SRGAP2: variants seen among roughly 807,000 people sequenced by gnomAD.
The protein encoded by SRGAP2 is SLIT-ROBO Rho GTPase-activating protein 2.
In SRGAP2, 15 loss-of-function variants were observed where a neutral mutation model predicts 57.2. That is an observed-to-expected ratio of 0.26 (90% CI 0.18 to 0.40). SRGAP2 has a LOEUF of 0.40. Ranked by LOEUF, SRGAP2 falls within the 10% of genes least tolerant of loss-of-function variation. The probability of loss-of-function intolerance (pLI) is 1.00; values close to 1 mark genes in which losing one functional copy is unlikely to be tolerated. For synonymous variants in SRGAP2, 249 were observed against 248.0 expected (o/e 1.00, Z -0.04); for missense variants, 520 against 669.6 (o/e 0.78, Z 2.47).
intron 2 of SRGAP2, among the ~76,000 whole-genome samples, chr1:206,226,651 A>G (rs1667290257): frequency 6.6e-6 from 1 of 152,036 alleles, no homozygotes; most frequent in South Asian, 2.1e-4. Flanking sequence ...CATACCCCAA[A>G]CAAATATATA....
chr1:206,353,327 A>G (rs1440020143), intron 4 of SRGAP2, among the ~76,000 whole-genome samples: 2 of 151,894 alleles, frequency 1.3e-5, no homozygotes, highest in Admixed American at 6.6e-5. Context: ...TGTTTTCTGT[A>G]TGCTTTAGTT....
chr1:206,444,051 G>A (rs933199784), intron 17 of SRGAP2, among the ~76,000 whole-genome samples: 5 of 151,992 alleles, frequency 3.3e-5, no homozygotes, highest in Admixed American at 2.6e-4. Context: ...TTAGCCAGGC[G>A]TGGTGGTGCA....
At chr1:206,414,825 A>G (rs1009751618) in intron 10 of SRGAP2, among the ~76,000 whole-genome samples, 2 of 152,226 alleles carry the variant, frequency 1.3e-5, no homozygotes, top group Non-Finnish European at 2.9e-5. Flanking sequence ...ATTTATTGTT[A>G]GAGTCGAATG....
At chr1:206,425,366 T>C (rs1660702846) in intron 13 of SRGAP2, among the ~76,000 whole-genome samples, 2 of 152,244 alleles carry the variant, frequency 1.3e-5, no homozygotes, top group Admixed American at 6.5e-5. Context: ...ATGTATCATT[T>C]TTTGGTGTGT....
intron 2 of SRGAP2, among the ~76,000 whole-genome samples, chr1:206,273,681 C>T (rs1211199277): frequency 4.7e-4 from 71 of 150,134 alleles, no homozygotes; most frequent in African/African-American, 1.6e-3. Context: ...CCCTTGAGGA[C>T]AGCAGTGTGT....
At chr1:206,342,674 T>TC (rs1383920041) in intron 3 of SRGAP2, among the ~76,000 whole-genome samples, 172 bp from the exon 4 acceptor site, 5 of 151,224 alleles carry the variant, frequency 3.3e-5, no homozygotes, top group Non-Finnish European at 5.9e-5. Context: ...TCTCCTTTTT[T>TC]CTCCACTGAG....
chr1:206,237,175 T>C lies in SRGAP2; in HGVS notation c.67+31138T>C, dbSNP rs1667959880. ...TACTCGGGAGGCTGAGGCACAAGAATCTCTTGAACCCGGGAGGCAAAGGTT... is the reference window on the plus strand; with the variant it reads ...TACTCGGGAGGCTGAGGCACAAGAACCTCTTGAACCCGGGAGGCAAAGGTT... On this transcript the variant is annotated intron_variant, in intron 2 of 22. Transcript: ENST00000573034. Among the ~76,000 whole-genome samples the C allele has an allele frequency of 2.0e-5, 3 of 151,288 alleles. No homozygotes were observed. The South Asian group carries it at 6.2e-4, about 31-fold the overall frequency.
intron 2 of SRGAP2, among the ~76,000 whole-genome samples, chr1:206,295,499 A>G (rs1671541043): frequency 1.3e-5 from 2 of 151,650 alleles, no homozygotes; most frequent in Admixed American, 6.6e-5. Flanking sequence ...CTGGGATTAC[A>G]GGTGTGAGCC....
At chr1:206,449,310 T>TA (rs1220909139) in intron 18 of SRGAP2, among the ~76,000 whole-genome samples, 10 of 134,004 alleles carry the variant, frequency 7.5e-5, no homozygotes, top group East Asian at 4.0e-4. Flanking sequence ...TTTTTTTTTT[T>TA]AGACAGGATC....
intron 3 of SRGAP2, among the ~76,000 whole-genome samples, chr1:206,320,248 GT>G (rs1313343495): frequency 3.0e-5 from 1 of 33,662 alleles, no homozygotes; most frequent in African/African-American, 1.7e-4. Context: ...CATTTATTCT[GT>G]GCCAAGAGTT....
At chr1:206,420,065 A>C (rs1231319723) in intron 12 of SRGAP2, among the ~76,000 whole-genome samples, 3 of 152,156 alleles carry the variant, frequency 2.0e-5, no homozygotes, top group Admixed American at 2.0e-4. Flanking sequence ...GTATTCATTC[A>C]TCCAGCAGTT....
At chr1:206,220,465 T>C (rs192798775) in intron 2 of SRGAP2, among the ~76,000 whole-genome samples, 178 of 152,110 alleles carry the variant, frequency 1.2e-3, no homozygotes, top group African/African-American at 3.6e-3. Flanking sequence ...AGGCCGAGAG[T>C]GTCAGATCTC....
chr1:206,419,478 A>G, intron 12 of SRGAP2, 78 bp downstream of exon 12: 2 of 777,208 alleles, frequency 2.6e-6, no homozygotes, highest in Non-Finnish European at 4.8e-6. Context: ...GAGAGAGCCA[A>G]GGAGTTGAGT....
At chr1:206,460,017 G>C (rs1420488040) in intron 22 of SRGAP2, among the ~76,000 whole-genome samples, 1 of 152,224 alleles carries the variant, frequency 6.6e-6, no homozygotes, top group Non-Finnish European at 1.5e-5. Context: ...CGACTGAGGA[G>C]GGAGATGGAG....
At chr1:206,253,641 T>A (rs1668990214) in intron 2 of SRGAP2, among the ~76,000 whole-genome samples, 1 of 137,118 alleles carries the variant, frequency 7.3e-6, no homozygotes, top group African/African-American at 2.7e-5. Context: ...AGTGGCTAGA[T>A]CTCGGCTCGC....
chr1:206,285,809 A>G (rs1207755069), intron 2 of SRGAP2, among the ~76,000 whole-genome samples: 1 of 152,068 alleles, frequency 6.6e-6, no homozygotes, highest in African/African-American at 2.4e-5. Flanking sequence ...CTGGGCTTAC[A>G]GGTGCACCAC....
At chr1:206,435,930 G>T (rs1356702192) in intron 14 of SRGAP2, among the ~76,000 whole-genome samples, 1 of 152,148 alleles carries the variant, frequency 6.6e-6, no homozygotes, top group Non-Finnish European at 1.5e-5. Flanking sequence ...ATTCATGCAT[G>T]TTTGTCTTTA....
At chr1:206,293,305 TTTAGAA>T (rs1671429226) in intron 2 of SRGAP2, among the ~76,000 whole-genome samples, 1 of 113,436 alleles carries the variant, frequency 8.8e-6, no homozygotes, top group Non-Finnish European at 1.8e-5. Flanking sequence ...TACAGAGCCC[TTTAGAA>T]CTGTGTTTGT....
intron 16 of SRGAP2, among the ~76,000 whole-genome samples, chr1:206,439,487 C>T (rs551599349): frequency 6.6e-6 from 1 of 152,078 alleles, no homozygotes; most frequent in East Asian, 1.9e-4. Context: ...CTCTTCCCAC[C>T]GAGAAGTAGG....
Sources: allele counts gnomAD v4.1 joint callset (sites outside exome capture counted in the v4.1 genomes callset), GRCh38; gene constraint gnomAD v4.1.1; transcripts MANE v1.5; gene names NCBI Gene and HGNC (gene_info 2026-07-23, HGNC 2026-07-21).